CUX1: variants seen among roughly 807,000 people sequenced by gnomAD.
CUX1 encodes the protein protein CASP.
A neutral mutation model predicts 158.8 loss-of-function variants in CUX1; 31 were observed. The ratio of observed to expected loss-of-function variants is 0.20; its 90% confidence interval spans 0.15 to 0.26. The LOEUF is 0.26. CUX1 is among the 10% of genes least tolerant of loss of function. CUX1 has a pLI of 1.00. For missense variants in CUX1, 1,589 were observed against 2,014.6 expected (o/e 0.79, Z 4.04); for synonymous variants, 879 against 862.1 (o/e 1.02, Z -0.34).
intron 1 of CUX1, among the ~76,000 whole-genome samples, chr7:101,902,209 A>G (rs1328772745): frequency 6.6e-6 from 1 of 152,158 alleles, no homozygotes; most frequent in Non-Finnish European, 1.5e-5. Flanking sequence ...ATCTGGATTC[A>G]AATCCAGGCC....
chr7:101,832,665 C>A (rs1794180758), intron 1 of CUX1, among the ~76,000 whole-genome samples: 2 of 152,192 alleles, frequency 1.3e-5, no homozygotes, highest in South Asian at 4.1e-4. Flanking sequence ...TGGAAATAAA[C>A]CCGAACCTTT....
intron 8 of CUX1, among the ~76,000 whole-genome samples, chr7:102,137,328 G>A (rs542096912): frequency 7.8e-4 from 118 of 152,228 alleles, no homozygotes; most frequent in African/African-American, 2.6e-3. Context: ...AAGTAATTGC[G>A]GTTTTTGCCA....
In CUX1 at chr7:102,058,740, T is replaced by C. The variant is rs146265358; in HGVS notation, c.190-11599T>C. Reference sequence around the variant, plus strand: ...CACATATATTATCTACTCACAACAATGGTGATGTGAAAATCTCAGGTAGGC... The same window carrying C: ...CACATATATTATCTACTCACAACAACGGTGATGTGAAAATCTCAGGTAGGC... On this transcript the variant is annotated intron_variant, in intron 3 of 23. Transcript: ENST00000292535. Among the ~76,000 whole-genome samples, 778 of 152,294 alleles carry C rather than the reference T, an allele frequency of 5.1e-3. 7 individuals are homozygous for C. The highest frequency in any genetic ancestry group is 0.017 in the African/African-American group (725 of 41,564).
intron 8 of CUX1, among the ~76,000 whole-genome samples, chr7:102,147,379 C>T (rs894347063): frequency 2.0e-4 from 30 of 152,186 alleles, no homozygotes; most frequent in African/African-American, 6.3e-4. Context: ...TTCACAGATC[C>T]GTGTTGGGCA....
chr7:102,160,339 G>C (rs1327657890), intron 9 of CUX1, among the ~76,000 whole-genome samples: 1 of 152,086 alleles, frequency 6.6e-6, no homozygotes, highest in African/African-American at 2.4e-5. Context: ...CCCAACAGGA[G>C]AGCCTGGTTT....
In CUX1 at chr7:102,223,699, T is replaced by G. The variant is rs185959837; in HGVS notation, c.3131-3668T>G. On this transcript the variant is annotated intron_variant, in intron 20 of 23. Coordinates refer to ENST00000292535, the MANE Select transcript of CUX1 (RefSeq NM_181552.4). The stretch of plus-strand genomic sequence containing the variant: ...AAAAGAAAAAAAGGGTCAGGCGCGG[T>G]GGCTCACACCTGTAATCCCAGCACT... 2.5e-3 allele frequency among the ~76,000 whole-genome samples: 377 copies of G among 152,312 alleles called. 2 individuals carry two copies. The highest frequency in any genetic ancestry group is 8.8e-3 in the African/African-American group (364 of 41,574).
chr7:101,942,002 T>C (rs1396571587), intron 2 of CUX1, among the ~76,000 whole-genome samples: 1 of 152,212 alleles, frequency 6.6e-6, no homozygotes. Context: ...TTATCAAACA[T>C]GCCAGTACAC....
intron 2 of CUX1, among the ~76,000 whole-genome samples, chr7:101,944,038 C>T (rs1808061398): frequency 6.6e-6 from 1 of 151,448 alleles, no homozygotes; most frequent in Non-Finnish European, 1.5e-5. Flanking sequence ...TGCTGTGACT[C>T]GGGAAAGAAA....
rs536332030 is a variant in CUX1, at chr7:102,243,417, A to G, written c.3887+3833A>G. The stretch of plus-strand genomic sequence containing the variant: ...GAGTTTGAGCTGCAGAGATCTGGAA[A>G]AATATCATGGAAGAGGTATGAAATG... On this transcript the variant is annotated intron_variant, in intron 23 of 23. Coordinates refer to ENST00000292535, the MANE Select transcript of CUX1 (RefSeq NM_181552.4). Among the ~76,000 whole-genome samples the G allele has an allele frequency of 5.9e-5, 9 of 152,230 alleles. No individual in the cohort carries two copies. The South Asian group carries it at 1.7e-3, about 28-fold the overall frequency.
intron 1 of CUX1, among the ~76,000 whole-genome samples, chr7:101,832,401 G>A (rs1794135695): frequency 6.6e-6 from 1 of 152,214 alleles, no homozygotes; most frequent in Non-Finnish European, 1.5e-5. Context: ...CCACCGACAT[G>A]GCACATCCAG....
At chr7:102,050,479 T>G (rs1239364967) in intron 3 of CUX1, among the ~76,000 whole-genome samples, 1 of 152,060 alleles carries the variant, frequency 6.6e-6, no homozygotes, top group Non-Finnish European at 1.5e-5. Context: ...GGTTCCAAAT[T>G]TTTGCCTCTG....
intron 1 of CUX1, among the ~76,000 whole-genome samples, chr7:101,828,611 C>G (rs1016523505): frequency 3.9e-5 from 6 of 152,214 alleles, no homozygotes; most frequent in Non-Finnish European, 8.8e-5. Flanking sequence ...TGTCTCACGT[C>G]TGCCTTGTCC....
At chr7:102,103,100 C>A in intron 5 of CUX1, among the ~76,000 whole-genome samples, 1 of 152,158 alleles carries the variant, frequency 6.6e-6, no homozygotes, top group East Asian at 1.9e-4. Flanking sequence ...CCCAAGACAG[C>A]CCTGCCTCCC....
chr7:102,212,055 G>T (rs1554523314), intron 20 of CUX1, among the ~76,000 whole-genome samples: 1 of 152,180 alleles, frequency 6.6e-6, no homozygotes, highest in African/African-American at 2.4e-5. Flanking sequence ...TGCGTGACCT[G>T]CTTGTTCAGT....
At position 102,254,449 on chromosome 7, in the gene CUX1, G is replaced by A. The variant is rs963172404; in HGVS notation, c.*5407G>A. 32 of 985,286 alleles carry A rather than the reference G, an allele frequency of 3.2e-5. No homozygotes were observed. The highest frequency in any genetic ancestry group is 1.8e-4 in the Admixed American group (3 of 16,262). The allele number at this position is 985,286 out of a possible 1,614,324, so 61.0% of individuals were successfully genotyped here. A position where few individuals can be genotyped will look rare whatever the true frequency, so the allele number is the denominator to read the frequency against. On this transcript the variant is annotated 3_prime_UTR_variant, in exon 24 of 24. Coordinates refer to ENST00000292535, the MANE Select transcript of CUX1 (RefSeq NM_181552.4). ...TGGCTTCCTCCAGCCTACACGCCCC[G>A]TCCACAGTGGCATCACCCTCTTATC...
chr7:101,913,358 G>A (rs1283522113), intron 1 of CUX1: 1 of 1,263,844 alleles, frequency 7.9e-7, no homozygotes, highest in African/African-American at 1.5e-5. Context: ...GGGGAAGGGA[G>A]GGCCGCAGAC....
At chr7:102,112,653 T>C (rs181850025) in intron 7 of CUX1, among the ~76,000 whole-genome samples, 25 of 151,920 alleles carry the variant, frequency 1.6e-4, no homozygotes, top group Admixed American at 1.6e-3. Flanking sequence ...CACTGAAACC[T>C]TTACCTCTGT....
In CUX1 at chr7:102,154,680, A is replaced by G. The variant is rs567515166; in HGVS notation, c.675-3880A>G. ...AGTTAACCTTGATCCAGAAGGCAGC[A>G]AGAAAAGGATAAAGAAATAGCAAAA... On this transcript the variant is annotated intron_variant, in intron 8 of 23. Transcript: ENST00000292535. Among the ~76,000 whole-genome samples the G allele has an allele frequency of 2.6e-5, 4 of 152,342 alleles. No homozygotes were observed. In the East Asian group the frequency reaches 7.7e-4, roughly 29 times the overall value.
intron 20 of CUX1, among the ~76,000 whole-genome samples, chr7:102,210,788 T>C (rs1352413119): frequency 6.6e-6 from 1 of 152,162 alleles, no homozygotes; most frequent in African/African-American, 2.4e-5. Flanking sequence ...CTAATGTGGG[T>C]GGTCCAATGT....
Sources: allele counts gnomAD v4.1 joint callset (sites outside exome capture counted in the v4.1 genomes callset), GRCh38; gene constraint gnomAD v4.1.1; transcripts MANE v1.5; gene names NCBI Gene and HGNC (gene_info 2026-07-23, HGNC 2026-07-21).